SCHIP1: variants seen among roughly 807,000 people sequenced by gnomAD.
SCHIP1 encodes the protein schwannomin interacting protein 1, also known as schwannomin-interacting protein 1.
In SCHIP1, 8 loss-of-function variants were observed where a neutral mutation model predicts 29.7. That is an observed-to-expected ratio of 0.27 (90% CI 0.16 to 0.49). The LOEUF (loss-of-function observed/expected upper bound fraction) is 0.49, where lower values mean the gene tolerates loss of function less well. Ranked by LOEUF, SCHIP1 falls within the 20% of genes least tolerant of loss-of-function variation. The pLI is 0.99. For missense variants in SCHIP1, 193 were observed against 294.6 expected, an observed-to-expected ratio of 0.66 and a Z score of 2.52; for synonymous variants, 76 against 94.9, an observed-to-expected ratio of 0.80 and a Z score of 1.16.
At chr3:159,555,114 A>G in the SCHIP1 span, among the ~76,000 whole-genome samples, 1 of 152,204 alleles carries the variant, frequency 6.6e-6, no homozygotes, top group Non-Finnish European at 1.5e-5. Flanking sequence ...CAAAAGCTCA[A>G]ATAGATGGAT....
the SCHIP1 span, among the ~76,000 whole-genome samples, chr3:159,477,919 T>C: frequency 9.2e-6 from 1 of 108,404 alleles, no homozygotes; most frequent in Non-Finnish European, 1.9e-5. Context: ...TCATTTTAAA[T>C]CTTTTTTTTT....
chr3:159,725,488 C>T, the SCHIP1 span, among the ~76,000 whole-genome samples: 1 of 152,224 alleles, frequency 6.6e-6, no homozygotes, highest in South Asian at 2.1e-4. Context: ...AGGTCTCGAA[C>T]TCCTGGCCTC....
chr3:159,531,214 C>T, the SCHIP1 span, among the ~76,000 whole-genome samples: 1 of 152,182 alleles, frequency 6.6e-6, no homozygotes, highest in East Asian at 1.9e-4. Flanking sequence ...ATTTAAAATA[C>T]AGTGTGCAGA....
chr3:159,407,790 G>C, the SCHIP1 span, among the ~76,000 whole-genome samples: 1 of 152,136 alleles, frequency 6.6e-6, no homozygotes, highest in Non-Finnish European at 1.5e-5. Flanking sequence ...TGACCAGTTG[G>C]TCAATGAAGA....
At chr3:159,764,656 G>A in the SCHIP1 span, 1 of 1,600,190 alleles carries the variant, frequency 6.2e-7, no homozygotes, top group East Asian at 2.3e-5. The surrounding 1 kb of genome is among the most constrained non-coding windows in gnomAD (Gnocchi z 6.1). Context: ...TGATGAGTGG[G>A]CGCCGGAGGA....
At chr3:159,566,249 A>C in the SCHIP1 span, among the ~76,000 whole-genome samples, 1 of 152,192 alleles carries the variant, frequency 6.6e-6, no homozygotes, top group East Asian at 1.9e-4. Context: ...GTGCACAAAT[A>C]AGAATGTTAT....
the SCHIP1 span, among the ~76,000 whole-genome samples, chr3:159,463,198 T>G: frequency 1.3e-5 from 2 of 152,024 alleles, no homozygotes; most frequent in Non-Finnish European, 2.9e-5. Context: ...GGGAAAAGTC[T>G]ATAGAATATT....
chr3:159,744,372 T>A, the SCHIP1 span, among the ~76,000 whole-genome samples: 4 of 152,216 alleles, frequency 2.6e-5, no homozygotes, highest in Non-Finnish European at 4.4e-5. Context: ...ATTTAAAATA[T>A]AACCCATTAA....
the SCHIP1 span, among the ~76,000 whole-genome samples, chr3:159,447,155 T>G: frequency 1.3e-5 from 2 of 152,222 alleles, no homozygotes; most frequent in African/African-American, 4.8e-5. Flanking sequence ...CTTACTGGTA[T>G]GTGACCTTAG....
At chr3:159,400,349 T>C in the SCHIP1 span, among the ~76,000 whole-genome samples, 6 of 152,292 alleles carry the variant, frequency 3.9e-5, no homozygotes, top group South Asian at 8.3e-4. Context: ...GGTTAAGAAA[T>C]GTTTAGTTAC....
At chr3:159,451,361 G>A in the SCHIP1 span, among the ~76,000 whole-genome samples, 3 of 152,224 alleles carry the variant, frequency 2.0e-5, no homozygotes, top group African/African-American at 7.2e-5. Flanking sequence ...ATAAAAGGGA[G>A]AGCTTATGGA....
the SCHIP1 span, among the ~76,000 whole-genome samples, chr3:159,656,231 T>C: frequency 9.6e-3 from 1,459 of 152,312 alleles, 18 homozygotes; most frequent in South Asian, 0.014. Context: ...ATACATGAAC[T>C]CAGTAATCCC....
At chr3:159,339,218 T>C in the SCHIP1 span, among the ~76,000 whole-genome samples, 14 of 148,914 alleles carry the variant, frequency 9.4e-5, no homozygotes, top group African/African-American at 3.2e-4. Flanking sequence ...GTTCAAATGA[T>C]GAAAATTGTC....
the SCHIP1 span, among the ~76,000 whole-genome samples, chr3:159,398,441 G>T: frequency 6.6e-6 from 1 of 152,284 alleles, no homozygotes; most frequent in East Asian, 1.9e-4. Context: ...TAGGTCAGGG[G>T]TTGTCATGGA....
the SCHIP1 span, among the ~76,000 whole-genome samples, chr3:159,689,365 A>T: frequency 1.3e-5 from 2 of 152,174 alleles, no homozygotes; most frequent in South Asian, 4.1e-4. Flanking sequence ...AGCTAGTGTG[A>T]ATGGGAGTTT....
At chr3:159,421,548 G>T in the SCHIP1 span, among the ~76,000 whole-genome samples, 2 of 152,226 alleles carry the variant, frequency 1.3e-5, no homozygotes, top group South Asian at 4.1e-4. Flanking sequence ...TGGTTGAGGT[G>T]CAACATGTGT....
At chr3:159,430,729 T>C in the SCHIP1 span, among the ~76,000 whole-genome samples, 1 of 152,138 alleles carries the variant, frequency 6.6e-6, no homozygotes, top group Non-Finnish European at 1.5e-5. Flanking sequence ...TCAGGGACTC[T>C]ACAGATAGGG....
At chr3:159,765,230 C>T in the SCHIP1 span, 1 of 1,383,296 alleles carries the variant, frequency 7.2e-7, no homozygotes, top group Non-Finnish European at 9.6e-7. Context: ...TCCCGCCCGC[C>T]CGCGGCCCCA....
the SCHIP1 span, among the ~76,000 whole-genome samples, chr3:159,514,428 C>G: frequency 5.9e-5 from 9 of 152,276 alleles, no homozygotes; most frequent in African/African-American, 2.2e-4. Context: ...AGCTTCAGTT[C>G]CATGCATACA....
Sources: gnomAD v4.1 joint callset for allele counts (sites outside exome capture counted in the v4.1 genomes callset) on GRCh38, gnomAD v4.1.1 for gene constraint, Gnocchi (gnomAD v3.1) non-coding constraint, MANE v1.5 for transcripts, NCBI Gene and HGNC (gene_info 2026-07-23, HGNC 2026-07-21) for gene names.